NLRP5: variants seen among roughly 807,000 people sequenced by gnomAD.
The protein encoded by NLRP5 is NLR family pyrin domain containing 5, also known as NACHT, LRR and PYD domains-containing protein 5.
NLRP5 carries 93 observed loss-of-function variants against 113.1 expected under a neutral mutation model. That is an observed-to-expected ratio of 0.82 (90% CI 0.70 to 0.98). The LOEUF is 0.98. Ranked by LOEUF, NLRP5 falls within the 50% of genes least tolerant of loss-of-function variation. The pLI, the probability that NLRP5 is intolerant of heterozygous loss-of-function variation, is 0.00. For synonymous variants in NLRP5, 751 were observed against 600.7 expected (o/e 1.25, Z -3.66); for missense variants, 1,808 against 1,514.3 (o/e 1.19, Z -3.22).
At chr19:56,052,176 G>T (rs555482946) in intron 12 of NLRP5, among the ~76,000 whole-genome samples, 1 of 151,104 alleles carries the variant, frequency 6.6e-6, no homozygotes, top group East Asian at 1.9e-4. Context: ...TCTTTTGTTT[G>T]TTTTTTGCTT....
upstream of NLRP5, among the ~76,000 whole-genome samples, chr19:55,998,721 T>TAC: frequency 7.1e-6 from 1 of 141,750 alleles, no homozygotes; most frequent in Admixed American, 7.2e-5. Context: ...TGTGTATATA[T>TAC]ATATATATGT....
intron 3 of NLRP5, among the ~76,000 whole-genome samples, chr19:56,010,866 A>C (rs1568484465): frequency 6.6e-6 from 1 of 151,050 alleles, no homozygotes; most frequent in Non-Finnish European, 1.5e-5. Flanking sequence ...AAAAGGAATG[A>C]TGTGGCTGGA....
At chr19:56,044,269 A>G (rs1159120299) in intron 11 of NLRP5, among the ~76,000 whole-genome samples, 1 of 151,666 alleles carries the variant, frequency 6.6e-6, no homozygotes, top group Non-Finnish European at 1.5e-5. Flanking sequence ...TCACTGTGTT[A>G]GCCAGGCTGG....
intron 1 of NLRP5, among the ~76,000 whole-genome samples, chr19:56,002,905 G>A (rs1263288946): frequency 6.6e-6 from 1 of 152,098 alleles, no homozygotes; most frequent in African/African-American, 2.4e-5. Context: ...TTGCTATTGT[G>A]AATAGTGCCG....
At chr19:56,040,798 C>T (rs947713973) in intron 10 of NLRP5, 124 bp from the exon 11 acceptor site, 2 of 748,330 alleles carry the variant, frequency 2.7e-6, no homozygotes, top group African/African-American at 3.5e-5. Flanking sequence ...GCGACTTCAC[C>T]ATATGTCTGC....
intron 9 of NLRP5, among the ~76,000 whole-genome samples, chr19:56,035,027 C>T (rs905390191): frequency 6.6e-6 from 1 of 152,202 alleles, no homozygotes; most frequent in African/African-American, 2.4e-5. Flanking sequence ...CAACGTCCAC[C>T]TCCCTGGTTC....
chr19:55,998,539 G>A (rs993778307), upstream of NLRP5, among the ~76,000 whole-genome samples: 9 of 151,432 alleles, frequency 5.9e-5, no homozygotes, highest in Non-Finnish European at 1.2e-4. Context: ...TGAAATCCCA[G>A]CTACTCTGGA....
In NLRP5 at chr19:56,050,609, G is replaced by A. The variant is rs749921523; in HGVS notation, c.3128+21G>A. 6.8e-6 allele frequency: 11 copies of A among 1,609,972 alleles called. No individual in the cohort carries two copies. In the South Asian group the frequency reaches 1.1e-4, roughly 16 times the overall value. ...CTGGAGTGAGTTTCCCATGGGCGTT[G>A]GGTCAACTCTATCATACTGGGGTCT... On this transcript the variant is annotated intron_variant, in intron 12 of 14. Coordinates refer to ENST00000390649, the MANE Select transcript of NLRP5 (RefSeq NM_153447.4).
intron 3 of NLRP5, among the ~76,000 whole-genome samples, chr19:56,010,423 T>A (rs1982135912): frequency 6.6e-6 from 1 of 152,092 alleles, no homozygotes; most frequent in African/African-American, 2.4e-5. Context: ...GCCTTCGTCG[T>A]TGCTCCTGAT....
chr19:56,024,942 CAT>C (rs3973366), intron 6 of NLRP5, among the ~76,000 whole-genome samples: 10,951 of 152,132 alleles, frequency 0.072, 462 homozygotes, highest in African/African-American at 0.1. Flanking sequence ...CCCCATGACT[CAT>C]GTTACCACCT....
chr19:56,028,895 G>C (rs1262844117), intron 7 of NLRP5, among the ~76,000 whole-genome samples: 1 of 152,268 alleles, frequency 6.6e-6, no homozygotes, highest in East Asian at 1.9e-4. Context: ...CTGCCGAGGA[G>C]CTGGGACTAC....
Position 56,041,162 on chromosome 19 carries a change from A to G in NLRP5, c.2957+70A>G, listed in dbSNP as rs2123323705. On this transcript the variant is annotated intron_variant, in intron 11 of 14. Transcript: ENST00000390649. Reference sequence around the variant, plus strand: ...CATAGCATGGTGTAGCTCTCAAAGCAGAAGGCAGTGGGGAGGGGGTGTGGA... The same window carrying G: ...CATAGCATGGTGTAGCTCTCAAAGCGGAAGGCAGTGGGGAGGGGGTGTGGA... The G allele has an allele frequency of 2.0e-6, 3 of 1,495,150 alleles. No individual in the cohort carries two copies. In the South Asian group the frequency reaches 3.6e-5, roughly 18 times the overall value. 92.6% of individuals were successfully genotyped at this position (1,495,150 alleles called of 1,614,324 possible).
At position 56,003,951 on chromosome 19, in the gene NLRP5, G is replaced by T. The variant is rs1489140021; in HGVS notation, c.298G>T (p.Glu100Ter). The change falls in exon 2 of 15, where the codon GAA (glutamate) becomes TAA (stop). Residue 100 changes from glutamate (E) to a stop codon, truncating the protein, a stop_gained. Coordinates refer to ENST00000390649, the MANE Select transcript of NLRP5 (RefSeq NM_153447.4). LOFTEE classifies it high-confidence loss of function. ...GACCACATGCTCTATTCCACAGTTT[G>T]AAATCGAGAATGCCAACGTGGAATG... 6.2e-7 allele frequency: 1 copy of T among 1,614,002 alleles called. No homozygotes were observed. Among genetic ancestry groups the T allele is most frequent in the African/African-American group, 1.3e-5 (1 of 75,048 alleles).
intron 13 of NLRP5, among the ~76,000 whole-genome samples, chr19:56,055,537 C>CTT (rs1160965587): frequency 0.01 from 785 of 76,424 alleles, 115 homozygotes; most frequent in East Asian, 0.034. Context: ...CTTTCTCTGT[C>CTT]TTTTTTTTTT....
rs369622191 is a variant in NLRP5 at position 56,043,542 on chromosome 19, CTTTTTTTTTTTTTTTT to C, written c.2957+2476_2957+2491del. On this transcript the variant is annotated intron_variant, in intron 11 of 14. Transcript: ENST00000390649. ...TGGATTGTCTGTTTACTCTGCTATT[CTTTTTTTTTTTTTTTT>C]TTTTTTTTTTTTTTTTTTTTTTTTT... Among the ~76,000 whole-genome samples the C allele has an allele frequency of 6.6e-3, 617 of 92,902 alleles. 22 individuals are homozygous for C. Among genetic ancestry groups the C allele is most frequent in the African/African-American group, 0.022 (422 of 18,798 alleles). 60.9% of individuals were successfully genotyped at this position (92,902 alleles called of 152,430 possible). A position where few individuals can be genotyped will look rare whatever the true frequency, so the allele number is the denominator to read the frequency against.
chr19:56,000,606 C>T (rs1026783739), intron 1 of NLRP5, among the ~76,000 whole-genome samples: 6 of 151,770 alleles, frequency 4.0e-5, no homozygotes, highest in Non-Finnish European at 7.4e-5. Context: ...CCTCATGATC[C>T]GCCCACTTTG....
chr19:56,033,634 C>G lies in NLRP5; in HGVS notation c.2540C>G (p.Thr847Ser), dbSNP rs376973228. Residue 847 changes from threonine to serine, a missense_variant, in exon 9 of 15, where the codon ACC becomes AGC. By Grantham distance (58) the Thr-to-Ser change is moderately conservative (BLOSUM62 1). Coordinates refer to ENST00000390649, the MANE Select transcript of NLRP5 (RefSeq NM_153447.4). ...CTAAGATCCCTCAACTTGGGAGGCACCCACCTGAAGGAAGAGGATGTAAGG... is the reference window on the plus strand; with the variant it reads ...CTAAGATCCCTCAACTTGGGAGGCAGCCACCTGAAGGAAGAGGATGTAAGG... The G allele has an allele frequency of 6.2e-7, 1 of 1,613,630 alleles. No individual in the cohort carries two copies. Among genetic ancestry groups the G allele is most frequent in the Non-Finnish European group, 8.5e-7 (1 of 1,179,700 alleles).
At chr19:56,042,242 T>A (rs1399341068) in intron 11 of NLRP5, among the ~76,000 whole-genome samples, 1 of 152,126 alleles carries the variant, frequency 6.6e-6, no homozygotes, top group Admixed American at 6.6e-5. Context: ...TTGTGTTGAT[T>A]ACTACTGCAT....
At chr19:56,013,595 G>GT (rs1418924718) in intron 3 of NLRP5, among the ~76,000 whole-genome samples, 3,952 of 30,064 alleles carry the variant, frequency 0.13, 152 homozygotes, top group Non-Finnish European at 0.18. Context: ...TGGACATTTG[G>GT]GTTTTTTTTT....
Sources: gnomAD v4.1 joint callset for allele counts (sites outside exome capture counted in the v4.1 genomes callset) on GRCh38, gnomAD v4.1.1 for gene constraint, MANE v1.5 for transcripts, NCBI Gene and HGNC (gene_info 2026-07-23, HGNC 2026-07-21) for gene names.